Variants in CLYBL observed in about 807,000 individuals in gnomAD.
The protein encoded by CLYBL is citramalyl-CoA lyase, mitochondrial.
Under a neutral mutation model 38.9 loss-of-function variants are expected in CLYBL, and 31 were observed. The ratio of observed to expected loss-of-function variants is 0.80; its 90% CI spans 0.60 to 1.08. The LOEUF (loss-of-function observed/expected upper bound fraction) is 1.08. Ranked by LOEUF, CLYBL falls within the 50% of genes least tolerant of loss-of-function variation. The pLI is 0.00. For missense variants in CLYBL, 434 were observed against 411.6 expected (o/e 1.05, Z -0.47); for synonymous variants, 171 against 158.6 (o/e 1.08, Z -0.59).
intron 1 of CLYBL, among the ~76,000 whole-genome samples, chr13:99,736,264 C>T (rs947877069): frequency 6.6e-6 from 1 of 150,772 alleles, no homozygotes; most frequent in Non-Finnish European, 1.5e-5. Flanking sequence ...AGGGTGGTCT[C>T]AAACTCCTGG....
chr13:99,606,795 G>GCTCGC, intron 1 of CLYBL, 38 bp downstream of exon 1: 1 of 1,356,072 alleles, frequency 7.4e-7, no homozygotes, highest in Non-Finnish European at 9.4e-7. Context: ...TCCCGGCCCG[G>GCTCGC]CTCGCCGCGG....
At chr13:99,781,388 TC>T (rs2049650309) in intron 2 of CLYBL, among the ~76,000 whole-genome samples, 1 of 151,916 alleles carries the variant, frequency 6.6e-6, no homozygotes. Context: ...GCCAGGATGG[TC>T]TCAATCTCCT....
exon 10 of CLYBL, among the ~76,000 whole-genome samples, chr13:99,908,353 C>T (rs567905532): frequency 3.3e-5 from 5 of 152,144 alleles, no homozygotes; most frequent in Non-Finnish European, 7.4e-5. Flanking sequence ...GTTCCTGCTT[C>T]CAAGCAGCAT....
chr13:99,654,776 C>T (rs918293587), intron 1 of CLYBL, among the ~76,000 whole-genome samples: 16 of 152,250 alleles, frequency 1.1e-4, no homozygotes, highest in Admixed American at 3.3e-4. Flanking sequence ...GAGGCTGAGG[C>T]GGGCTGATCA....
intron 2 of CLYBL, among the ~76,000 whole-genome samples, chr13:99,784,200 A>C (rs1263452494): frequency 6.6e-6 from 1 of 152,010 alleles, no homozygotes; most frequent in African/African-American, 2.4e-5. Flanking sequence ...CAATTCTTAG[A>C]TCCCAAGAGC....
At chr13:99,897,945 A>AAAAAAAAAG (rs1555326969), downstream of CLYBL, among the ~76,000 whole-genome samples, 1 of 151,826 alleles carries the variant, frequency 6.6e-6, no homozygotes, top group African/African-American at 2.4e-5. Flanking sequence ...CGTCTCAAAA[A>AAAAAAAAAG]AAAGAAAGAA....
At chr13:99,765,849 CTTTT>C (rs143574260) in intron 1 of CLYBL, among the ~76,000 whole-genome samples, 2 of 126,174 alleles carry the variant, frequency 1.6e-5, no homozygotes. Flanking sequence ...CAAGTCGAGT[CTTTT>C]TTTTTTTTTT....
chr13:99,876,292 G>A (rs1223250010), intron 7 of CLYBL, among the ~76,000 whole-genome samples: 1 of 151,030 alleles, frequency 6.6e-6, no homozygotes, highest in African/African-American at 2.4e-5. Flanking sequence ...GTGGTAGCGG[G>A]TGACTGTAAT....
chr13:99,649,665 G>A (rs1170618016), intron 1 of CLYBL, among the ~76,000 whole-genome samples: 1 of 151,340 alleles, frequency 6.6e-6, no homozygotes, highest in Non-Finnish European at 1.5e-5. Context: ...GGGAGCATGA[G>A]ACCAACCTGG....
At chr13:99,873,862 A>G (rs528149286) in intron 7 of CLYBL, among the ~76,000 whole-genome samples, 2 of 152,310 alleles carry the variant, frequency 1.3e-5, no homozygotes, top group South Asian at 4.1e-4. Context: ...AGACTTTGGT[A>G]TTACAGAATT....
chr13:99,626,690 C>G (rs910836276), intron 1 of CLYBL, among the ~76,000 whole-genome samples: 1 of 152,102 alleles, frequency 6.6e-6, no homozygotes, highest in Non-Finnish European at 1.5e-5. Flanking sequence ...CTTCACTTCT[C>G]TGTGTATTAT....
intron 8 of CLYBL, among the ~76,000 whole-genome samples, chr13:99,904,497 C>CA (rs2052674792): frequency 1.3e-5 from 2 of 152,174 alleles, no homozygotes; most frequent in Admixed American, 1.3e-4. Flanking sequence ...ATTTTATACA[C>CA]ATTCACATCC....
intron 1 of CLYBL, among the ~76,000 whole-genome samples, chr13:99,639,949 A>C (rs2139263697): frequency 6.6e-6 from 1 of 152,348 alleles, no homozygotes; most frequent in East Asian, 1.9e-4. Flanking sequence ...TATTTAGGAA[A>C]TAGATAATGG....
At chr13:99,862,550 C>T (rs762036848) in intron 3 of CLYBL, among the ~76,000 whole-genome samples, 7 of 152,286 alleles carry the variant, frequency 4.6e-5, no homozygotes, top group South Asian at 2.1e-4. Context: ...ATGGACTCCA[C>T]GTAGAAGGCT....
chr13:99,831,417 G>A (rs914883338), intron 2 of CLYBL, among the ~76,000 whole-genome samples: 1 of 152,132 alleles, frequency 6.6e-6, no homozygotes, highest in Non-Finnish European at 1.5e-5. Flanking sequence ...GGCAGGTGGA[G>A]GGAGAGCATC....
At chr13:99,857,799 G>A (rs1026946694) in intron 2 of CLYBL, among the ~76,000 whole-genome samples, 1 of 152,114 alleles carries the variant, frequency 6.6e-6, no homozygotes, top group African/African-American at 2.4e-5. Flanking sequence ...TTTTCAAATG[G>A]TTATATATTA....
At position 99,881,342 on chromosome 13, in the gene CLYBL, T is replaced by A. The variant is rs1377967854; in HGVS notation, c.928-9976T>A. Among the ~76,000 whole-genome samples, 3 of 152,362 alleles carry A rather than the reference T, an allele frequency of 2.0e-5. No individual in the cohort carries two copies. In the East Asian group the frequency reaches 5.8e-4, roughly 29 times the overall value. ...ATTAAAATACCGATGAAATTATCAC[T>A]ACAATTTAAAGTGTAAAAAGATGAA... On this transcript the variant is annotated intron_variant, in intron 7 of 8. Transcript: ENST00000339105.
At chr13:99,689,395 A>G in intron 1 of CLYBL, among the ~76,000 whole-genome samples, 1 of 152,220 alleles carries the variant, frequency 6.6e-6, no homozygotes, top group Non-Finnish European at 1.5e-5. Flanking sequence ...CCCAGAGAAA[A>G]TAATCTGGCT....
intron 1 of CLYBL, among the ~76,000 whole-genome samples, chr13:99,697,662 T>TC (rs577922925): frequency 7.9e-6 from 1 of 125,952 alleles, no homozygotes; most frequent in African/African-American, 3.7e-5. Flanking sequence ...TCTTTCTTTC[T>TC]TTTTTTTTTT....
Sources: allele counts gnomAD v4.1 joint callset (sites outside exome capture counted in the v4.1 genomes callset), GRCh38; gene constraint gnomAD v4.1.1; transcripts MANE v1.5; gene names NCBI Gene and HGNC (gene_info 2026-07-23, HGNC 2026-07-21).